MYLK4: variants seen among roughly 807,000 people sequenced by gnomAD.
The protein encoded by MYLK4 is myosin light chain kinase family member 4, also known as caMLCK like.
A neutral mutation model predicts 48.1 loss-of-function variants in MYLK4; 46 were observed. The ratio of observed to expected loss-of-function variants is 0.96; its 90% CI spans 0.75 to 1.22. The LOEUF (loss-of-function observed/expected upper bound fraction) is 1.22, where lower values mean the gene tolerates loss of function less well. Ranked by LOEUF, MYLK4 falls within the 50% of genes most tolerant of loss-of-function variation. The pLI is 0.00. For synonymous variants in MYLK4, 170 were observed against 180.8 expected (o/e 0.94, Z 0.48); for missense variants, 451 against 486.1 (o/e 0.93, Z 0.68).
chr6:2,675,976 CA>C (rs1405940387), intron 10 of MYLK4, among the ~76,000 whole-genome samples: 1 of 151,562 alleles, frequency 6.6e-6, no homozygotes, highest in African/African-American at 2.4e-5. Context: ...CCTGTAATCC[CA>C]GCTACTCAGG....
In MYLK4 at chr6:2,703,578, T is replaced by C. The variant is rs549894340; in HGVS notation, c.160-10719A>G. Among the ~76,000 whole-genome samples the C allele has an allele frequency of 1.9e-4, 29 of 152,002 alleles. No individual in the cohort carries two copies. The South Asian group carries it at 2.7e-3, about 14-fold the overall frequency. On this transcript the variant is annotated intron_variant, in intron 2 of 12. Coordinates refer to ENST00000274643, the MANE Select transcript of MYLK4 (RefSeq NM_001012418.5). ...GCTCTGGGAGTGATTCTGATGCACA[T>C]GGTCCAGTGACCCTACTTTGAGAAA...
chr6:2,675,509 C>T (rs1272588367), intron 10 of MYLK4, among the ~76,000 whole-genome samples: 1 of 151,932 alleles, frequency 6.6e-6, no homozygotes, highest in East Asian at 1.9e-4. Context: ...TTGATGATTG[C>T]CAAAGCAATT....
intron 2 of MYLK4, among the ~76,000 whole-genome samples, chr6:2,728,956 C>T (rs1386847468): frequency 6.6e-6 from 1 of 152,190 alleles, no homozygotes; most frequent in Non-Finnish European, 1.5e-5. Context: ...TGCTACCTCC[C>T]CATTTTGCTA....
At chr6:2,723,326 T>A (rs1005225321) in intron 2 of MYLK4, among the ~76,000 whole-genome samples, 3 of 152,236 alleles carry the variant, frequency 2.0e-5, no homozygotes, top group Non-Finnish European at 4.4e-5. Context: ...ATGTGAGTGC[T>A]GATAATTATT....
At chr6:2,766,384 G>T in the MYLK4 span, 2 of 1,607,836 alleles carry the variant, frequency 1.2e-6, no homozygotes, top group Non-Finnish European at 1.7e-6. Context: ...TGCTGCGCTC[G>T]CTCCTGGAGA....
chr6:2,706,093 A>T (rs568283506), intron 2 of MYLK4, among the ~76,000 whole-genome samples: 10 of 152,334 alleles, frequency 6.6e-5, no homozygotes, highest in Middle Eastern at 3.4e-3. Context: ...CCACACTTTC[A>T]TCTTTAAAAA....
At chr6:2,684,673 A>G (rs74517517) in intron 6 of MYLK4, among the ~76,000 whole-genome samples, 18,690 of 152,168 alleles carry the variant, frequency 0.12, 1,256 homozygotes, top group East Asian at 0.27. Context: ...TAACAACTGT[A>G]TATGTGGCAT....
intron 12 of MYLK4, among the ~76,000 whole-genome samples, chr6:2,668,475 A>C (rs909047268): frequency 6.6e-6 from 1 of 152,220 alleles, no homozygotes; most frequent in Non-Finnish European, 1.5e-5. Context: ...TGATTTTGGG[A>C]ATGTTTCCTC....
At chr6:2,739,195 T>C (rs9503291) in intron 2 of MYLK4, among the ~76,000 whole-genome samples, 125,125 of 152,180 alleles carry the variant, frequency 0.82, 51,494 homozygotes, top group East Asian at 0.94. Flanking sequence ...GGCTCACACC[T>C]GGAATCCCAA....
intron 2 of MYLK4, among the ~76,000 whole-genome samples, chr6:2,729,073 G>C (rs926051996): frequency 6.6e-6 from 1 of 152,168 alleles, no homozygotes; most frequent in African/African-American, 2.4e-5. Context: ...TCCACCAACT[G>C]TGCTCACGCT....
chr6:2,671,359 C>G lies in MYLK4; in HGVS notation c.1120-11G>C. 1 of 1,613,588 alleles carries G rather than the reference C, an allele frequency of 6.2e-7. No individual in the cohort carries two copies. On this transcript the variant is annotated splice_polypyrimidine_tract_variant and intron_variant, in intron 11 of 12. Coordinates refer to ENST00000274643, the MANE Select transcript of MYLK4 (RefSeq NM_001012418.5). ...ACGATTCTTCTTCTTCTAGGGAAAG[C>G]AGAAGGCATATGGGAAGGATTAGGA...
At chr6:2,670,568 A>C (rs1189813962) in intron 12 of MYLK4, among the ~76,000 whole-genome samples, 2 of 152,172 alleles carry the variant, frequency 1.3e-5, no homozygotes, top group Non-Finnish European at 2.9e-5. Flanking sequence ...TCATAAGTAC[A>C]TGTGCCTCTT....
chr6:2,715,274 A>AAAT (rs397934727), intron 2 of MYLK4, among the ~76,000 whole-genome samples: 1 of 150,686 alleles, frequency 6.6e-6, no homozygotes, highest in African/African-American at 2.4e-5. Context: ...AAAAAAAAAA[A>AAAT]TGGGTACAGA....
the MYLK4 span, among the ~76,000 whole-genome samples, chr6:2,763,488 G>A: frequency 3.9e-4 from 60 of 152,348 alleles, no homozygotes; most frequent in African/African-American, 1.2e-3. Flanking sequence ...AGGCAACTAC[G>A]GCCTGGCGAG....
At chr6:2,671,500 G>A in intron 11 of MYLK4, 152 bp from the exon 12 acceptor site, 1 of 683,806 alleles carries the variant, frequency 1.5e-6, no homozygotes, top group Non-Finnish European at 2.5e-6. Flanking sequence ...CAACCCCCTG[G>A]CAGACACACC....
intron 2 of MYLK4, among the ~76,000 whole-genome samples, chr6:2,743,098 A>T (rs1450121568): frequency 6.6e-6 from 1 of 152,178 alleles, no homozygotes; most frequent in African/African-American, 2.4e-5. Context: ...GTGGTATTAA[A>T]ATTTAATGGG....
rs951075677 is a variant in MYLK4 at position 2,665,030 on chromosome 6, C to T, written c.*2895G>A. 1 of 152,214 alleles carries T rather than the reference C, an allele frequency of 6.6e-6. No homozygotes were observed. Among genetic ancestry groups the T allele is most frequent in the Non-Finnish European group, 1.5e-5 (1 of 68,052 alleles). The allele number at this position is 152,214 out of a possible 1,614,324, so 9.4% of individuals were successfully genotyped here. ...GTGCTACATCGGTGCTTAATTTCCT[C>T]CATTTGCTAAAGAAAGTGGGAACTG... On this transcript the variant is annotated 3_prime_UTR_variant, in exon 13 of 13. Transcript: ENST00000274643.
chr6:2,687,953 G>A (rs1215324192), intron 4 of MYLK4, among the ~76,000 whole-genome samples: 5 of 152,108 alleles, frequency 3.3e-5, no homozygotes, highest in African/African-American at 7.2e-5. Flanking sequence ...AAGATATCAC[G>A]GGGGGTTGTG....
Position 2,685,230 on chromosome 6 carries a change from C to A in MYLK4, c.545+66G>T. The A allele has an allele frequency of 8.2e-7, 1 of 1,220,238 alleles. No homozygotes were observed. The highest frequency in any genetic ancestry group is 1.7e-5 in the Admixed American group (1 of 58,876). 75.6% of individuals were successfully genotyped at this position (1,220,238 alleles called of 1,614,324 possible). ...GTCCCGCTACAGCAGGACGGAGCTA[C>A]TGAGGCACGGTCACGGTCATGAGTG... On this transcript the variant is annotated intron_variant, in intron 6 of 12. Coordinates refer to ENST00000274643, the MANE Select transcript of MYLK4 (RefSeq NM_001012418.5). The surrounding 1 kb of genome is among the most constrained non-coding windows in gnomAD (Gnocchi z 4.5).
Sources: allele counts gnomAD v4.1 joint callset (sites outside exome capture counted in the v4.1 genomes callset), GRCh38; gene constraint gnomAD v4.1.1; non-coding constraint Gnocchi (gnomAD v3.1); transcripts MANE v1.5; gene names NCBI Gene and HGNC (gene_info 2026-07-23, HGNC 2026-07-21).